Variants in CNTN5 observed in about 807,000 individuals in gnomAD.
CNTN5 encodes the protein contactin 5, also known as contactin-5.
Under a neutral mutation model 129.1 loss-of-function variants are expected in CNTN5, and 77 were observed. The observed-to-expected ratio is 0.60, with a 90% CI of 0.50 to 0.72. The LOEUF is 0.72. CNTN5 is among the 30% of genes least tolerant of loss of function. The probability of loss-of-function intolerance (pLI) is 0.00; values close to 1 mark genes in which losing one functional copy is unlikely to be tolerated. For synonymous variants in CNTN5, 509 were observed against 465.6 expected (o/e 1.09, Z -1.20); for missense variants, 1,478 against 1,328.8 (o/e 1.11, Z -1.75).
chr11:100,291,179 C>G (rs1190583260), intron 18 of CNTN5, among the ~76,000 whole-genome samples: 7 of 150,350 alleles, frequency 4.7e-5, no homozygotes, highest in Non-Finnish European at 7.4e-5. Flanking sequence ...ACTAGTTCAA[C>G]CATTGTGGAA....
At chr11:100,320,088 C>G (rs1951657983) in intron 21 of CNTN5, among the ~76,000 whole-genome samples, 1 of 152,076 alleles carries the variant, frequency 6.6e-6, no homozygotes, top group Non-Finnish European at 1.5e-5. Context: ...GTGAGATTGC[C>G]AGATTATATA....
At chr11:100,338,856 C>A (rs931050854) in intron 21 of CNTN5, among the ~76,000 whole-genome samples, 3 of 151,894 alleles carry the variant, frequency 2.0e-5, no homozygotes, top group African/African-American at 7.3e-5. Flanking sequence ...CTCTGCTGTC[C>A]CCGGACAGCT....
At chr11:99,432,435 C>CTT (rs1253349065) in intron 2 of CNTN5, among the ~76,000 whole-genome samples, 2 of 147,198 alleles carry the variant, frequency 1.4e-5, no homozygotes, top group African/African-American at 2.5e-5. Flanking sequence ...TTTTCCTTTT[C>CTT]TTTCCTTTTC....
rs1227213389 is a variant in CNTN5 at position 100,358,196 on chromosome 11, TC to T, written c.*1978del. 2.0e-5 allele frequency: 3 copies of T among 151,958 alleles called. No individual in the cohort carries two copies. Among genetic ancestry groups the T allele is most frequent in the African/African-American group, 7.2e-5 (3 of 41,450 alleles). The allele number at this position is 151,958 out of a possible 1,614,324, so 9.4% of individuals were successfully genotyped here. A position where few individuals can be genotyped will look rare whatever the true frequency, so the allele number is the denominator to read the frequency against. On this transcript the variant is annotated 3_prime_UTR_variant, in exon 25 of 25. Transcript: ENST00000524871. ...ATGAATCAAGCCATTTTCTTCATTT[TC>T]CATGGTGGTGTACACCAGATTTAGT...
chr11:99,905,213 C>G (rs1949466626), intron 6 of CNTN5, among the ~76,000 whole-genome samples: 1 of 152,018 alleles, frequency 6.6e-6, no homozygotes, highest in South Asian at 2.1e-4. Context: ...AAGTCTTTGC[C>G]CATGCCTATG....
intron 1 of CNTN5, among the ~76,000 whole-genome samples, chr11:99,049,288 G>T (rs1056745929): frequency 1.3e-5 from 2 of 152,074 alleles, no homozygotes; most frequent in African/African-American, 2.4e-5. Context: ...AACTTCATTT[G>T]CATATTTACC....
intron 24 of CNTN5, among the ~76,000 whole-genome samples, chr11:100,355,434 A>T (rs2139049557): frequency 6.6e-6 from 1 of 151,862 alleles, no homozygotes; most frequent in Admixed American, 6.6e-5. Flanking sequence ...TTTACAGTTA[A>T]CTGTTATTCT....
chr11:100,187,768 C>T (rs1408718063), intron 13 of CNTN5, among the ~76,000 whole-genome samples: 1 of 152,144 alleles, frequency 6.6e-6, no homozygotes, highest in African/African-American at 2.4e-5. Flanking sequence ...CCCTACCTCT[C>T]ACCATATACA....
At chr11:99,163,407 GT>G (rs58645058) in intron 1 of CNTN5, among the ~76,000 whole-genome samples, 143,329 of 151,928 alleles carry the variant, frequency 0.94, 67,718 homozygotes, top group East Asian at 1. Flanking sequence ...TATTATTTGA[GT>G]TATGTATGCT....
At chr11:100,207,833 C>T (rs1019040754) in intron 15 of CNTN5, among the ~76,000 whole-genome samples, 1 of 152,120 alleles carries the variant, frequency 6.6e-6, no homozygotes, top group Non-Finnish European at 1.5e-5. Context: ...TGTAGCTCTA[C>T]CATGTTAAAC....
At chr11:99,219,353 C>T in intron 1 of CNTN5, among the ~76,000 whole-genome samples, 1 of 151,664 alleles carries the variant, frequency 6.6e-6, no homozygotes, top group East Asian at 1.9e-4. Flanking sequence ...AAATTCTGGC[C>T]ATAGGGGTGA....
rs568062791 is a variant in CNTN5, at chr11:99,669,046, A to C, written c.55+112777A>C. Among the ~76,000 whole-genome samples, 5 of 152,120 alleles carry C rather than the reference A, an allele frequency of 3.3e-5. No individual in the cohort carries two copies. The South Asian group carries it at 1.0e-3, about 32-fold the overall frequency. On this transcript the variant is annotated intron_variant, in intron 3 of 24. Transcript: ENST00000524871. ...CTTGTGAAAATTGATGCACGCGTGG[A>C]TATTTGTGCTTTCTTTTAAACATGA...
intron 6 of CNTN5, among the ~76,000 whole-genome samples, chr11:99,876,686 A>G (rs1948641098): frequency 6.6e-6 from 1 of 152,188 alleles, no homozygotes; most frequent in African/African-American, 2.4e-5. Context: ...TCATTTTAGA[A>G]CTTAGCAAAC....
chr11:99,200,746 C>A (rs1312474118), intron 1 of CNTN5, among the ~76,000 whole-genome samples: 1 of 152,154 alleles, frequency 6.6e-6, no homozygotes, highest in Non-Finnish European at 1.5e-5. Flanking sequence ...ATCCTTTGGA[C>A]AAACACTTCT....
intron 2 of CNTN5, among the ~76,000 whole-genome samples, chr11:99,418,503 A>T (rs923211616): frequency 6.6e-6 from 1 of 152,212 alleles, no homozygotes; most frequent in Admixed American, 6.5e-5. Context: ...CAAATTTTTA[A>T]TTGGATTTAA....
intron 3 of CNTN5, among the ~76,000 whole-genome samples, chr11:99,672,096 G>A (rs558615872): frequency 3.3e-5 from 5 of 152,142 alleles, no homozygotes; most frequent in East Asian, 1.9e-4. Flanking sequence ...TTATCTAACA[G>A]CCTCTTTCGT....
intron 1 of CNTN5, among the ~76,000 whole-genome samples, chr11:99,129,460 A>G (rs1387267142): frequency 6.6e-6 from 1 of 152,172 alleles, no homozygotes. Flanking sequence ...CTATGGGACT[A>G]TGTAAAAAGA....
chr11:99,061,730 G>T (rs989526980), intron 1 of CNTN5, among the ~76,000 whole-genome samples: 2 of 152,032 alleles, frequency 1.3e-5, no homozygotes, highest in African/African-American at 4.8e-5. Context: ...GTGGCCCCAC[G>T]GCTGTTATCC....
intron 2 of CNTN5, among the ~76,000 whole-genome samples, chr11:99,497,030 G>A (rs906948426): frequency 2.6e-5 from 4 of 152,162 alleles, no homozygotes; most frequent in African/African-American, 9.7e-5. Context: ...ACTCATCTGT[G>A]AAATGTAGAT....
Sources: allele counts gnomAD v4.1 joint callset (sites outside exome capture counted in the v4.1 genomes callset), GRCh38; gene constraint gnomAD v4.1.1; transcripts MANE v1.5; gene names NCBI Gene and HGNC (gene_info 2026-07-23, HGNC 2026-07-21).